The following ABTB3 variants were observed in gnomAD, a reference collection of about 807,000 sequenced individuals.
ABTB3 encodes the protein ankyrin repeat and BTB domain containing 3.
At chr12:107,332,653 G>C in the ABTB3 span, among the ~76,000 whole-genome samples, 1 of 152,188 alleles carries the variant, frequency 6.6e-6, no homozygotes, top group Admixed American at 6.5e-5. Flanking sequence ...TGAGGCAGCT[G>C]TCCTGAGACT....
chr12:107,422,450 A>G, the ABTB3 span, among the ~76,000 whole-genome samples: 1 of 152,174 alleles, frequency 6.6e-6, no homozygotes, highest in African/African-American at 2.4e-5. Context: ...GAAGAGTGAC[A>G]TGGTCTGCAT....
chr12:107,382,992 G>A, the ABTB3 span, among the ~76,000 whole-genome samples: 2 of 152,030 alleles, frequency 1.3e-5, no homozygotes, highest in Non-Finnish European at 2.9e-5. Context: ...GAAGAAAATG[G>A]GCTTGTCGGT....
At chr12:107,396,640 G>A in the ABTB3 span, among the ~76,000 whole-genome samples, 1 of 143,844 alleles carries the variant, frequency 7.0e-6, no homozygotes, top group African/African-American at 2.6e-5. Context: ...TGGGACTCAT[G>A]CCCTTTTCAA....
the ABTB3 span, among the ~76,000 whole-genome samples, chr12:107,555,421 C>G: frequency 6.6e-6 from 1 of 152,214 alleles, no homozygotes; most frequent in South Asian, 2.1e-4. Flanking sequence ...AGAAACAGCT[C>G]TCTCTCACAA....
chr12:107,450,173 T>G, the ABTB3 span, among the ~76,000 whole-genome samples: 1 of 152,170 alleles, frequency 6.6e-6, no homozygotes, highest in African/African-American at 2.4e-5. Flanking sequence ...TTGTTCTTTC[T>G]TATGACTTTT....
At chr12:107,422,269 C>T in the ABTB3 span, among the ~76,000 whole-genome samples, 12 of 151,856 alleles carry the variant, frequency 7.9e-5, no homozygotes, top group Non-Finnish European at 1.3e-4. Flanking sequence ...GCTGAGTGAG[C>T]GAGGACAAGA....
the ABTB3 span, among the ~76,000 whole-genome samples, chr12:107,359,390 C>T: frequency 6.6e-6 from 1 of 152,210 alleles, no homozygotes; most frequent in Non-Finnish European, 1.5e-5. Context: ...TAGGCACCTG[C>T]TCCCTTTCCA....
At chr12:107,559,563 A>G in the ABTB3 span, among the ~76,000 whole-genome samples, 1 of 151,576 alleles carries the variant, frequency 6.6e-6, no homozygotes. Context: ...CCAAGTTTCC[A>G]CTCTTTTTTT....
the ABTB3 span, among the ~76,000 whole-genome samples, chr12:107,394,928 C>T: frequency 2.0e-5 from 3 of 152,214 alleles, no homozygotes; most frequent in African/African-American, 4.8e-5. Flanking sequence ...ACTGTACAGA[C>T]GTCTTGGGTT....
chr12:107,320,568 G>T, the ABTB3 span: 117 of 456,030 alleles, frequency 2.6e-4, no homozygotes, highest in Non-Finnish European at 7.9e-5. Context: ...GTGCACGGGG[G>T]AAGGAGGGGC....
At chr12:107,469,990 T>C in the ABTB3 span, among the ~76,000 whole-genome samples, 47 of 64,966 alleles carry the variant, frequency 7.2e-4, 1 homozygote, top group African/African-American at 3.1e-3. Flanking sequence ...CTTTCTTTCT[T>C]TCTTTCTTTC....
At chr12:107,566,958 G>C in the ABTB3 span, among the ~76,000 whole-genome samples, 1 of 152,074 alleles carries the variant, frequency 6.6e-6, no homozygotes, top group Non-Finnish European at 1.5e-5. Context: ...CTCTAGAAAA[G>C]ATTAAAAAAT....
At chr12:107,619,256 C>T in the ABTB3 span, among the ~76,000 whole-genome samples, 1 of 152,180 alleles carries the variant, frequency 6.6e-6, no homozygotes, top group African/African-American at 2.4e-5. Flanking sequence ...TTGTTATAAA[C>T]AGTAGCAAGA....
chr12:107,466,070 A>G, the ABTB3 span, among the ~76,000 whole-genome samples: 1 of 152,144 alleles, frequency 6.6e-6, no homozygotes, highest in African/African-American at 2.4e-5. Context: ...AACTGTTTTT[A>G]TCATTTTACC....
At chr12:107,584,993 A>T in the ABTB3 span, among the ~76,000 whole-genome samples, 3 of 152,010 alleles carry the variant, frequency 2.0e-5, no homozygotes, top group Non-Finnish European at 2.9e-5. Flanking sequence ...TGGAAGGTGA[A>T]GGAGTGGGGA....
the ABTB3 span, among the ~76,000 whole-genome samples, chr12:107,401,499 C>T: frequency 0.44 from 67,339 of 152,098 alleles, 15,375 homozygotes; most frequent in Middle Eastern, 0.52. Context: ...GGGTCAGTCA[C>T]TGCCCAAGGT....
chr12:107,440,915 C>T, the ABTB3 span, among the ~76,000 whole-genome samples: 2 of 152,186 alleles, frequency 1.3e-5, no homozygotes, highest in Non-Finnish European at 2.9e-5. Flanking sequence ...AAGTTTGTAG[C>T]GTTTCTCCCA....
chr12:107,395,949 GT>G, the ABTB3 span, among the ~76,000 whole-genome samples: 1 of 152,216 alleles, frequency 6.6e-6, no homozygotes, highest in East Asian at 1.9e-4. Context: ...GGAACCCTGT[GT>G]GGCCTTGTCC....
the ABTB3 span, among the ~76,000 whole-genome samples, chr12:107,449,029 G>C: frequency 6.6e-5 from 10 of 152,378 alleles, no homozygotes; most frequent in East Asian, 1.9e-3. Flanking sequence ...AAGCATAAAA[G>C]AGAGGCTTGG....
Sources: allele counts gnomAD v4.1 joint callset (sites outside exome capture counted in the v4.1 genomes callset), GRCh38; gene constraint gnomAD v4.1.1; transcripts MANE v1.5; gene names NCBI Gene and HGNC (gene_info 2026-07-23, HGNC 2026-07-21).